B4GALT1: variants seen among roughly 807,000 people sequenced by gnomAD.
B4GALT1 encodes N-acetyllactosamine synthase.
B4GALT1 carries 16 observed loss-of-function variants against 34.9 expected under a neutral mutation model. The ratio of observed to expected loss-of-function variants is 0.46; its 90% CI spans 0.31 to 0.70. The LOEUF (loss-of-function observed/expected upper bound fraction) is 0.70. Ranked by LOEUF, B4GALT1 falls within the 30% of genes least tolerant of loss-of-function variation. The probability of loss-of-function intolerance (pLI) is 0.05; values close to 1 mark genes in which losing one functional copy is unlikely to be tolerated. For missense variants in B4GALT1, 445 were observed against 530.5 expected, an observed-to-expected ratio of 0.84 and a Z score of 1.58; for synonymous variants, 221 against 218.1, an observed-to-expected ratio of 1.01 and a Z score of -0.12.
chr9:33,124,135 G>A (rs1049275684), intron 2 of B4GALT1, among the ~76,000 whole-genome samples: 1 of 152,164 alleles, frequency 6.6e-6, no homozygotes, highest in Non-Finnish European at 1.5e-5. Flanking sequence ...GCATTTTCTA[G>A]GCTGCTTTGG....
At chr9:33,171,791 G>A (rs370635195), upstream of B4GALT1, among the ~76,000 whole-genome samples, 1 of 152,160 alleles carries the variant, frequency 6.6e-6, no homozygotes, top group African/African-American at 2.4e-5. Context: ...CTGAGCTCAC[G>A]CAGTCTTCCT....
rs1839891592 is a variant in B4GALT1 at position 33,113,367 on chromosome 9, A to T, written c.*87T>A. The T allele has an allele frequency of 6.3e-7, 1 of 1,595,832 alleles. No homozygotes were observed. The highest frequency in any genetic ancestry group is 2.2e-5 in the East Asian group (1 of 44,778). Reference sequence around the variant, plus strand: ...GGACCTGTCACTCAGACTGGTAAAAATGAGAGGGACCAGCCCAGCAGATTG... The same window carrying T: ...GGACCTGTCACTCAGACTGGTAAAATTGAGAGGGACCAGCCCAGCAGATTG... On this transcript the variant is annotated 3_prime_UTR_variant, in exon 6 of 6. Coordinates refer to ENST00000379731, the MANE Select transcript of B4GALT1 (RefSeq NM_001497.4).
At chr9:33,131,576 A>ATG (rs986204212) in intron 2 of B4GALT1, among the ~76,000 whole-genome samples, 62 of 151,926 alleles carry the variant, frequency 4.1e-4, no homozygotes, top group Non-Finnish European at 5.4e-4. Context: ...CTTAAATGGT[A>ATG]TGTGTGTGTG....
intron 1 of B4GALT1, among the ~76,000 whole-genome samples, chr9:33,165,003 T>C (rs1840727798): frequency 6.8e-6 from 1 of 146,516 alleles, no homozygotes; most frequent in Non-Finnish European, 1.5e-5. Flanking sequence ...TAGACAGTCT[T>C]GCTTCGTCGC....
At chr9:33,131,473 C>A (rs1460153673) in intron 2 of B4GALT1, among the ~76,000 whole-genome samples, 1 of 152,282 alleles carries the variant, frequency 6.6e-6, no homozygotes, top group South Asian at 2.1e-4. Context: ...TTCAATGGGG[C>A]AGAAAGAAAT....
the B4GALT1 span, among the ~76,000 whole-genome samples, chr9:33,185,048 A>G: frequency 1.3e-4 from 20 of 152,286 alleles, no homozygotes; most frequent in African/African-American, 4.8e-4. Context: ...CTGGGTAGCC[A>G]TGTTGATACT....
At chr9:33,141,321 C>T (rs1275022078) in intron 1 of B4GALT1, among the ~76,000 whole-genome samples, 1 of 152,040 alleles carries the variant, frequency 6.6e-6, no homozygotes, top group Non-Finnish European at 1.5e-5. Context: ...GCCTGGCCAA[C>T]ATGGTGAAAC....
At chr9:33,152,359 CATA>C (rs1328797374) in intron 1 of B4GALT1, among the ~76,000 whole-genome samples, 1 of 122,318 alleles carries the variant, frequency 8.2e-6, no homozygotes. Context: ...CATAACATAA[CATA>C]ACATAACAAC....
Position 33,125,161 on chromosome 9 carries a change from G to A in B4GALT1, c.649-4555C>T, listed in dbSNP as rs556057686. On this transcript the variant is annotated intron_variant, in intron 2 of 5. Coordinates refer to ENST00000379731, the MANE Select transcript of B4GALT1 (RefSeq NM_001497.4). ...CAGAGACTGCCACAAGATGGGGACT[G>A]GAGACAGCAGACAGAATCGACCAGA... 5.9e-5 allele frequency among the ~76,000 whole-genome samples: 9 copies of A among 152,332 alleles called. No homozygotes were observed. The South Asian group carries it at 1.9e-3, about 32-fold the overall frequency.
At chr9:33,104,915 G>C (rs921627075) in intron 2 of B4GALT1, 3 of 365,706 alleles carry the variant, frequency 8.2e-6, no homozygotes, top group Non-Finnish European at 1.6e-5. Context: ...CACCTCTTGG[G>C]TTCAAACAAT....
rs532428918 is a variant in B4GALT1 at position 33,163,542 on chromosome 9, C to G, written c.412+3216G>C. ...TGAGCCCCCAGGCCAGCCTGCCTCT[C>G]TCACCAGTTCAGCTTCAGGTACTGC... is the stretch of plus-strand genomic sequence containing the variant. On this transcript the variant is annotated intron_variant, in intron 1 of 5. Coordinates refer to ENST00000379731, the MANE Select transcript of B4GALT1 (RefSeq NM_001497.4). Among the ~76,000 whole-genome samples the G allele has an allele frequency of 2.0e-5, 3 of 152,340 alleles. No individual in the cohort carries two copies. In the East Asian group the frequency reaches 5.8e-4, roughly 29 times the overall value.
Position 33,157,144 on chromosome 9 carries a change from A to ACACACACACACACACACACG in B4GALT1, c.412+9613_412+9614insCGTGTGTGTGTGTGTGTGTG, listed in dbSNP as rs1213346238. Reference sequence around the variant, plus strand: ...ACTACACACACACACACACACACACACACACACACACACACTGGCTGGAAG... The same window carrying ACACACACACACACACACACG: ...ACTACACACACACACACACACACACACACACACACACACACACACGCACACACACACACACTGGCTGGAAG... On this transcript the variant is annotated intron_variant, in intron 1 of 5. Transcript: ENST00000379731. Among the ~76,000 whole-genome samples, 99 of 151,080 alleles carry ACACACACACACACACACACG rather than the reference A, an allele frequency of 6.6e-4. 3 individuals carry two copies. Among genetic ancestry groups the ACACACACACACACACACACG allele is most frequent in the African/African-American group, 2.3e-3 (93 of 40,910 alleles).
At chr9:33,170,941 C>T (rs931405953), upstream of B4GALT1, among the ~76,000 whole-genome samples, 1 of 152,246 alleles carries the variant, frequency 6.6e-6, no homozygotes, top group East Asian at 1.9e-4. Context: ...GGGGCTTGGC[C>T]GTTGGCCCAT....
At chr9:33,163,839 CT>C in intron 1 of B4GALT1, among the ~76,000 whole-genome samples, 1 of 152,228 alleles carries the variant, frequency 6.6e-6, no homozygotes, top group Non-Finnish European at 1.5e-5. Context: ...CCTAAACTAC[CT>C]GGGAGGATTC....
At chr9:33,153,798 C>T (rs1422006071) in intron 1 of B4GALT1, among the ~76,000 whole-genome samples, 1 of 152,086 alleles carries the variant, frequency 6.6e-6, no homozygotes, top group African/African-American at 2.4e-5. Context: ...TTAATAAAAA[C>T]CGACCACAAA....
rs1564033760 is a variant in B4GALT1 at position 33,111,276 on chromosome 9, A to AAAAAAACAAC, written c.*2177_*2178insGTTGTTTTTT. 1 of 105,932 alleles carries AAAAAAACAAC rather than the reference A, an allele frequency of 9.4e-6. No individual in the cohort carries two copies. Among genetic ancestry groups the AAAAAAACAAC allele is most frequent in the Non-Finnish European group, 2.0e-5 (1 of 49,228 alleles). 6.6% of individuals were successfully genotyped at this position (105,932 alleles called of 1,614,324 possible). Reference sequence around the variant, plus strand: ...AAAAAAAAAAAAAAAAAAAAAAAAAAAACAACAAGAAAAGGTAGAGTTTGG... The same window carrying AAAAAAACAAC: ...AAAAAAAAAAAAAAAAAAAAAAAAAAAAAAAACAACAACAACAAGAAAAGGTAGAGTTTGG... On this transcript the variant is annotated 3_prime_UTR_variant, in exon 6 of 6. Coordinates refer to ENST00000379731, the MANE Select transcript of B4GALT1 (RefSeq NM_001497.4).
chr9:33,132,239 G>A (rs1327324828), intron 2 of B4GALT1, among the ~76,000 whole-genome samples: 3 of 152,118 alleles, frequency 2.0e-5, no homozygotes, highest in Non-Finnish European at 4.4e-5. Flanking sequence ...AGGAGGGAGG[G>A]AGGGAGGACG....
rs747376068 is a variant in B4GALT1, at chr9:33,113,827, C to T, written c.1011G>A (p.Arg337=). The change falls in exon 5 of 6, where the codon AGG becomes AGA. Residue 337 remains arginine (R), a synonymous_variant. Coordinates refer to ENST00000379731, the MANE Select transcript of B4GALT1 (RefSeq NM_001497.4). ...SISRPNAVVG[R]CRMIRHSRDK... is the part of the protein sequence containing the mutation. ...CTCTTGAGTGGCGGATCATGCGACA[C>T]CTCCCGACCACAGCATTTGGGCGAG... 6.8e-6 allele frequency: 11 copies of T among 1,614,052 alleles called. No individual in the cohort carries two copies. The African/African-American group carries it at 8.0e-5, about 12-fold the overall frequency.
At chr9:33,165,296 T>G (rs1396670453) in intron 1 of B4GALT1, among the ~76,000 whole-genome samples, 2 of 141,872 alleles carry the variant, frequency 1.4e-5, no homozygotes, top group Non-Finnish European at 3.1e-5. Context: ...GTACACGATC[T>G]CATTTAGTCT....
Sources: gnomAD v4.1 joint callset for allele counts (sites outside exome capture counted in the v4.1 genomes callset) on GRCh38, gnomAD v4.1.1 for gene constraint, MANE v1.5 for transcripts, NCBI Gene and HGNC (gene_info 2026-07-23, HGNC 2026-07-21) for gene names.